ATAD3A: variants seen among roughly 807,000 people sequenced by gnomAD.
ATAD3A encodes the protein ATPase family AAA domain containing 3A.
In ATAD3A, 46 loss-of-function variants were observed where a neutral mutation model predicts 73.8. The ratio of observed to expected loss-of-function variants is 0.62; its 90% confidence interval spans 0.49 to 0.80. The LOEUF (loss-of-function observed/expected upper bound fraction) is 0.80. ATAD3A is among the 30% of genes least tolerant of loss of function. The probability of loss-of-function intolerance (pLI) is 0.00; values close to 1 mark genes in which losing one functional copy is unlikely to be tolerated. For synonymous variants in ATAD3A, 319 were observed against 350.0 expected (o/e 0.91, Z 0.99); for missense variants, 705 against 838.0 (o/e 0.84, Z 1.96).
intron 15 of ATAD3A, among the ~76,000 whole-genome samples, chr1:1,533,164 C>T (rs1245791946): frequency 6.6e-6 from 1 of 152,164 alleles, no homozygotes; most frequent in Non-Finnish European, 1.5e-5. Context: ...GGCGAGGGAC[C>T]CACTCAGCTG....
intron 2 of ATAD3A, 65 bp downstream of exon 2, chr1:1,516,153 A>G (rs1641350971): frequency 6.8e-6 from 11 of 1,606,674 alleles, no homozygotes; most frequent in Admixed American, 1.7e-5. Flanking sequence ...GGAGATTGGT[A>G]GGGCTACTGC....
At chr1:1,527,655 C>T (rs751041784) in intron 13 of ATAD3A, 40 bp from the exon 14 acceptor site, 17 of 1,578,082 alleles carry the variant, frequency 1.1e-5, no homozygotes, top group African/African-American at 5.4e-5. Context: ...GCAGCTCGGC[C>T]GGCAGCCCCA....
At chr1:1,533,388 CCACAGCCCCA>C (rs1642101092) in intron 15 of ATAD3A, among the ~76,000 whole-genome samples, 1 of 152,238 alleles carries the variant, frequency 6.6e-6, no homozygotes, top group African/African-American at 2.4e-5. Context: ...ACACCAAGGG[CCACAGCCCCA>C]GCAGCTCCAG....
chr1:1,532,636 G>A (rs1642068096), intron 15 of ATAD3A, among the ~76,000 whole-genome samples: 6 of 152,202 alleles, frequency 3.9e-5, no homozygotes, highest in Admixed American at 3.9e-4. Context: ...CTGGAGGGGT[G>A]GCCCCGTGAG....
At position 1,527,777 on chromosome 1, in the gene ATAD3A, G is replaced by T; in HGVS notation, c.1420G>T (p.Asp474Tyr). The change falls in exon 14 of 16, where the codon GAC becomes TAC. Residue 474 changes from aspartate to tyrosine, a missense_variant. Asp to Tyr is a radical substitution (Grantham distance 160). This residue lies in a region of ATAD3A where 252 missense variants were observed against 278.5 expected (regional missense o/e 0.90). Coordinates refer to ENST00000378756, the MANE Select transcript of ATAD3A (RefSeq NM_001170535.3). ...CCGCATCAATGAGATGGTCCACTTC[G>T]ACCTGCCAGGGCAGGAGGAACGGGA... The part of the protein sequence containing the change: ...NDRINEMVHF[D>Y]LPGQEERERL... 6.2e-7 allele frequency: 1 copy of T among 1,613,926 alleles called. No individual in the cohort carries two copies. The highest frequency in any genetic ancestry group is 1.1e-5 in the South Asian group (1 of 91,090).
rs982944207 is a variant in ATAD3A, at chr1:1,526,642, G to A, written c.1337+111G>A. 1.5e-4 allele frequency: 231 copies of A among 1,563,688 alleles called. 1 individual carries two copies. The highest frequency in any genetic ancestry group is 6.9e-4 in the Middle Eastern group (3 of 4,366). ...TGGCTCACAGTGCTGGGCAGCTGCCGTGGCCTCAACATGCCCACCTCGGAT... is the reference window on the plus strand; with the variant it reads ...TGGCTCACAGTGCTGGGCAGCTGCCATGGCCTCAACATGCCCACCTCGGAT... On this transcript the variant is annotated intron_variant, in intron 13 of 15. Transcript: ENST00000378756.
chr1:1,515,170 G>A (rs1431396184), intron 1 of ATAD3A, among the ~76,000 whole-genome samples: 2 of 152,146 alleles, frequency 1.3e-5, no homozygotes, highest in Admixed American at 6.5e-5. Context: ...CTCTGTCTCC[G>A]GGGTTCAAGC....
At position 1,520,347 on chromosome 1, in the gene ATAD3A, C is replaced by G. The variant is rs1641545909; in HGVS notation, c.680+41C>G. The G allele has an allele frequency of 3.7e-6, 6 of 1,604,138 alleles. No homozygotes were observed. The highest frequency in any genetic ancestry group is 5.1e-6 in the Non-Finnish European group (6 of 1,172,638). On this transcript the variant is annotated intron_variant, in intron 6 of 15. Coordinates refer to ENST00000378756, the MANE Select transcript of ATAD3A (RefSeq NM_001170535.3). This position sits in a 1 kb window ranked among gnomAD's most constrained non-coding sequence, Gnocchi z 4.0. Reference sequence around the variant, plus strand: ...GCCCGGGCCGGCCACAGATGGAGCCCCGCAGGTGTGAGTCGCTGGTCCCAG... The same window carrying G: ...GCCCGGGCCGGCCACAGATGGAGCCGCGCAGGTGTGAGTCGCTGGTCCCAG...
chr1:1,519,099 G>A (rs1641495990), intron 5 of ATAD3A, 109 bp downstream of exon 5: 2 of 1,592,210 alleles, frequency 1.3e-6, no homozygotes, highest in Admixed American at 1.7e-5. Flanking sequence ...AGCTACCAGT[G>A]CAGTGGGCGA....
In ATAD3A at chr1:1,520,544, G is replaced by T. The variant is rs751676155; in HGVS notation, c.681-4G>T. ...TCCTGGTCACACCACTGCTTTCCCC[G>T]CAGGACGGCTGGCACCTTGTTTGGG... On this transcript the variant is annotated splice_region_variant and splice_polypyrimidine_tract_variant and intron_variant, in intron 6 of 15. Coordinates refer to ENST00000378756, the MANE Select transcript of ATAD3A (RefSeq NM_001170535.3). The surrounding 1 kb of genome is among the most constrained non-coding windows in gnomAD (Gnocchi z 4.0). The T allele has an allele frequency of 6.2e-7, 1 of 1,614,034 alleles. No homozygotes were observed. The highest frequency in any genetic ancestry group is 8.5e-7 in the Non-Finnish European group (1 of 1,179,886).
intron 15 of ATAD3A, 29 bp downstream of exon 15, chr1:1,529,360 G>C (rs2100681803): frequency 6.5e-7 from 1 of 1,534,270 alleles, no homozygotes; most frequent in African/African-American, 1.4e-5. Flanking sequence ...CGTCCACCCA[G>C]ACGGGACCCC....
intron 7 of ATAD3A, among the ~76,000 whole-genome samples, 174 bp from the exon 8 acceptor site, chr1:1,522,570 G>GT: frequency 6.6e-6 from 1 of 152,346 alleles, no homozygotes; most frequent in African/African-American, 2.4e-5. Context: ...CCTGCCTCCT[G>GT]TAACCGCGTG....
rs754281883 is a variant in ATAD3A, at chr1:1,517,712, C to T, written c.385-4C>T. 2.8e-6 allele frequency: 4 copies of T among 1,408,088 alleles called. No homozygotes were observed. The highest frequency in any genetic ancestry group is 1.2e-5 in the South Asian group (1 of 85,626). 87.2% of individuals were successfully genotyped at this position (1,408,088 alleles called of 1,614,324 possible). ...TGTGTCTTTGCCGCCCTCTTCTCCCCCAGAGGGCCCAGTATCAAGACAAGC... is the reference window on the plus strand; with the variant it reads ...TGTGTCTTTGCCGCCCTCTTCTCCCTCAGAGGGCCCAGTATCAAGACAAGC... On this transcript the variant is annotated splice_region_variant and splice_polypyrimidine_tract_variant and intron_variant, in intron 3 of 15. Coordinates refer to ENST00000378756, the MANE Select transcript of ATAD3A (RefSeq NM_001170535.3).
At chr1:1,527,942 C>T (rs935131798) in intron 14 of ATAD3A, 80 bp downstream of exon 14, 1 of 1,069,030 alleles carries the variant, frequency 9.4e-7, no homozygotes, top group Non-Finnish European at 1.4e-6. Flanking sequence ...CCATCACTTA[C>T]AAACCTTTAA....
At chr1:1,527,358 C>G (rs556574033) in intron 13 of ATAD3A, 1 of 1,063,158 alleles carries the variant, frequency 9.4e-7, no homozygotes, top group Non-Finnish European at 1.2e-6. Context: ...GCTCCTGGCA[C>G]GTGTGGGCGA....
chr1:1,525,533 G>C (rs1641780852), intron 12 of ATAD3A, among the ~76,000 whole-genome samples: 1 of 148,898 alleles, frequency 6.7e-6, no homozygotes, highest in African/African-American at 2.5e-5. Context: ...TCCCGCCTCA[G>C]CCTCCCAAGT....
rs1489463519 is a variant in ATAD3A at position 1,520,872 on chromosome 1, G to A, written c.750+255G>A. The stretch of plus-strand genomic sequence containing the variant: ...AAATCAAATATTAGCTGGGTGTGGT[G>A]GCAGCCCCTGTGGTCCCACTACTCA... On this transcript the variant is annotated intron_variant, in intron 7 of 15. Coordinates refer to ENST00000378756, the MANE Select transcript of ATAD3A (RefSeq NM_001170535.3). The surrounding 1 kb of genome is among the most constrained non-coding windows in gnomAD (Gnocchi z 4.0). Among the ~76,000 whole-genome samples the A allele has an allele frequency of 3.3e-5, 5 of 152,054 alleles. No homozygotes were observed. Among genetic ancestry groups the A allele is most frequent in the African/African-American group, 7.2e-5 (3 of 41,390 alleles).
chr1:1,526,328 C>A, intron 12 of ATAD3A, 133 bp from the exon 13 acceptor site: 3 of 1,536,770 alleles, frequency 2.0e-6, no homozygotes, highest in Non-Finnish European at 2.6e-6. Flanking sequence ...CCTGGTCAGG[C>A]TTTTGAGAGT....
Position 1,520,748 on chromosome 1 carries a change from G to C in ATAD3A, c.750+131G>C. 2 of 1,425,500 alleles carry C rather than the reference G, an allele frequency of 1.4e-6. No individual in the cohort carries two copies. Among genetic ancestry groups the C allele is most frequent in the Non-Finnish European group, 1.9e-6 (2 of 1,042,500 alleles). 88.3% of individuals were successfully genotyped at this position (1,425,500 alleles called of 1,614,324 possible). On this transcript the variant is annotated intron_variant, in intron 7 of 15. Transcript: ENST00000378756. The surrounding 1 kb of genome is among the most constrained non-coding windows in gnomAD (Gnocchi z 4.0). Reference sequence around the variant, plus strand: ...CTCTCCCAGCAGGGAGGAAGCCCACGTTGTACCTGCTGGCCTCGGCTTCTC... The same window carrying C: ...CTCTCCCAGCAGGGAGGAAGCCCACCTTGTACCTGCTGGCCTCGGCTTCTC...
Sources: allele counts gnomAD v4.1 joint callset (sites outside exome capture counted in the v4.1 genomes callset), GRCh38; gene constraint gnomAD v4.1.1; regional missense constraint gnomAD v4.1.1; non-coding constraint Gnocchi (gnomAD v3.1); transcripts MANE v1.5; gene names NCBI Gene and HGNC (gene_info 2026-07-23, HGNC 2026-07-21).